The following MBD5 variants were observed in gnomAD, a reference collection of about 807,000 sequenced individuals.
MBD5 encodes the protein methyl-CpG binding domain protein 5.
In MBD5, 13 loss-of-function variants were observed where a neutral mutation model predicts 117.3. The ratio of observed to expected loss-of-function variants is 0.11; its 90% confidence interval spans 0.07 to 0.18. The LOEUF (loss-of-function observed/expected upper bound fraction) is 0.18. MBD5 is among the 10% of genes least tolerant of loss of function. The pLI, the probability that MBD5 is intolerant of heterozygous loss-of-function variation, is 1.00. For synonymous variants in MBD5, 727 were observed against 766.4 expected (o/e 0.95, Z 0.85); for missense variants, 1,879 against 2,093.8 (o/e 0.90, Z 2.00).
intron 1 of MBD5, among the ~76,000 whole-genome samples, chr2:148,145,825 T>C (rs1697444256): frequency 6.6e-6 from 1 of 152,214 alleles, no homozygotes; most frequent in Non-Finnish European, 1.5e-5. Flanking sequence ...ATAAGGTTTT[T>C]GATGTGCTGC....
intron 3 of MBD5, among the ~76,000 whole-genome samples, chr2:148,242,555 G>A (rs1368330146): frequency 6.6e-6 from 1 of 152,076 alleles, no homozygotes; most frequent in Non-Finnish European, 1.5e-5. Flanking sequence ...AGATATTACT[G>A]CAGTATTTCT....
chr2:148,251,841 A>C (rs1319156109), intron 3 of MBD5, among the ~76,000 whole-genome samples: 1 of 152,202 alleles, frequency 6.6e-6, no homozygotes, highest in African/African-American at 2.4e-5. Context: ...AGAGGGAAAG[A>C]AGTAATCTTT....
intron 3 of MBD5, among the ~76,000 whole-genome samples, chr2:148,289,299 CTT>C (rs1428663841): frequency 1.3e-5 from 2 of 152,096 alleles, no homozygotes; most frequent in Non-Finnish European, 2.9e-5. Context: ...TTTTATGAAA[CTT>C]ATAATGAGTT....
At chr2:148,198,561 T>G (rs1699053508) in intron 2 of MBD5, among the ~76,000 whole-genome samples, 1 of 152,166 alleles carries the variant, frequency 6.6e-6, no homozygotes, top group Non-Finnish European at 1.5e-5. Context: ...GTTTTCATAG[T>G]AAGTTCATCA....
chr2:148,057,574 G>C (rs1220518891), intron 1 of MBD5, among the ~76,000 whole-genome samples: 1 of 151,662 alleles, frequency 6.6e-6, no homozygotes, highest in African/African-American at 2.4e-5. Flanking sequence ...AATGTGGACT[G>C]TATGAAGACC....
chr2:148,043,452 C>CAAATAAATAAATAAATAAATAAAT (rs137863555), intron 1 of MBD5, among the ~76,000 whole-genome samples: 185 of 142,926 alleles, frequency 1.3e-3, no homozygotes, highest in South Asian at 2.7e-3. Context: ...GACTCCTTCT[C>CAAATAAATAAATAAATAAATAAAT]AAATAAATAA....
At position 148,489,523 on chromosome 2, in the gene MBD5, C is replaced by T. The variant is rs1359066274; in HGVS notation, c.3891C>T (p.Asp1297=). 20 of 1,614,052 alleles carry T rather than the reference C, an allele frequency of 1.2e-5. No homozygotes were observed. Among genetic ancestry groups the T allele is most frequent in the Non-Finnish European group, 1.6e-5 (19 of 1,180,034 alleles). The change falls in exon 11 of 14, where the codon GAC becomes GAT. Residue 1297 remains aspartate (D), a synonymous_variant. Coordinates refer to ENST00000642680, the MANE Select transcript of MBD5 (RefSeq NM_001378120.1). ...DTPCELQPRI[D]PSLGQQVKDG... ...CTTGTGAGTTGCAACCGAGGATTGA[C>T]CCATCTCTTGGTCAACAGGTGAAGG...
intron 2 of MBD5, among the ~76,000 whole-genome samples, chr2:148,227,073 C>G (rs1053281830): frequency 2.0e-5 from 3 of 152,312 alleles, no homozygotes; most frequent in African/African-American, 7.2e-5. Flanking sequence ...TGCCTGTTCA[C>G]TCTGATGGTA....
chr2:148,085,417 T>A (rs531156751), intron 1 of MBD5, among the ~76,000 whole-genome samples: 1 of 152,322 alleles, frequency 6.6e-6, no homozygotes, highest in Non-Finnish European at 1.5e-5. Flanking sequence ...AGCAATTACT[T>A]CCAGTGCTTT....
intron 1 of MBD5, among the ~76,000 whole-genome samples, chr2:148,040,351 A>G (rs1694320209): frequency 6.6e-6 from 1 of 152,074 alleles, no homozygotes; most frequent in Non-Finnish European, 1.5e-5. Context: ...AAATCCCTGC[A>G]AAAGTACCCT....
intron 1 of MBD5, among the ~76,000 whole-genome samples, chr2:148,098,912 A>C (rs1041898712): frequency 2.0e-5 from 3 of 151,970 alleles, no homozygotes; most frequent in African/African-American, 7.2e-5. Flanking sequence ...AAAATTAGCC[A>C]GGCGTGGTGG....
intron 3 of MBD5, among the ~76,000 whole-genome samples, chr2:148,240,175 C>G (rs926086474): frequency 2.0e-5 from 3 of 152,082 alleles, no homozygotes; most frequent in Non-Finnish European, 2.9e-5. Flanking sequence ...GGACAGAAAA[C>G]CAAACACTGC....
intron 1 of MBD5, chr2:148,025,986 A>G (rs1342159405): frequency 2.6e-5 from 4 of 152,224 alleles, no homozygotes; most frequent in Non-Finnish European, 1.5e-5. Context: ...ATCGAAAAGT[A>G]TATTAGAAAA....
intron 1 of MBD5, among the ~76,000 whole-genome samples, chr2:148,173,268 G>A (rs1277599683): frequency 6.6e-6 from 1 of 152,070 alleles, no homozygotes; most frequent in Admixed American, 6.5e-5. Context: ...AAGCTTCCAC[G>A]AGCCACTGTG....
chr2:148,270,538 A>G (rs747583357), intron 3 of MBD5, among the ~76,000 whole-genome samples: 1 of 151,694 alleles, frequency 6.6e-6, no homozygotes, highest in Non-Finnish European at 1.5e-5. Flanking sequence ...ACAGGCATGC[A>G]CCACCACGCC....
At chr2:148,439,114 T>C (rs1706240714) in intron 4 of MBD5, among the ~76,000 whole-genome samples, 2 of 152,292 alleles carry the variant, frequency 1.3e-5, no homozygotes, top group East Asian at 1.9e-4. Context: ...ATGATCCAAC[T>C]ATCTGACGTA....
At chr2:148,504,095 A>T (rs1480365552) in intron 12 of MBD5, among the ~76,000 whole-genome samples, 2 of 152,204 alleles carry the variant, frequency 1.3e-5, no homozygotes, top group African/African-American at 4.8e-5. Flanking sequence ...GTAATGAAAA[A>T]CAAACTACAA....
chr2:148,154,975 G>A (rs1216848880), intron 1 of MBD5, among the ~76,000 whole-genome samples: 2 of 152,148 alleles, frequency 1.3e-5, no homozygotes, highest in African/African-American at 2.4e-5. Flanking sequence ...TATTTATTGA[G>A]TTCTTATGAG....
chr2:148,398,302 T>C (rs1477003960), intron 4 of MBD5, among the ~76,000 whole-genome samples: 7 of 152,246 alleles, frequency 4.6e-5, no homozygotes, highest in Middle Eastern at 3.4e-3. Context: ...TTTCCACATC[T>C]TCTCCAGCAC....
Sources: gnomAD v4.1 joint callset for allele counts (sites outside exome capture counted in the v4.1 genomes callset) on GRCh38, gnomAD v4.1.1 for gene constraint, MANE v1.5 for transcripts, NCBI Gene and HGNC (gene_info 2026-07-23, HGNC 2026-07-21) for gene names.